The following PLPPR5 variants were observed in gnomAD, a reference collection of about 807,000 sequenced individuals.
PLPPR5 encodes the protein phospholipid phosphatase-related protein type 5.
PLPPR5 carries 16 observed loss-of-function variants against 33.9 expected under a neutral mutation model. The ratio of observed to expected loss-of-function variants is 0.47; its 90% CI spans 0.32 to 0.72. The LOEUF is 0.72. Among genes scored for constraint, PLPPR5 ranks in the 30% least tolerant of loss-of-function variants. The probability of loss-of-function intolerance (pLI) is 0.03; values close to 1 mark genes in which losing one functional copy is unlikely to be tolerated. For synonymous variants in PLPPR5, 163 were observed against 150.3 expected, an observed-to-expected ratio of 1.08 and a Z score of -0.62; for missense variants, 301 against 406.7, an observed-to-expected ratio of 0.74 and a Z score of 2.23.
At chr1:98,917,596 T>C (rs1198881520) in intron 4 of PLPPR5, among the ~76,000 whole-genome samples, 1 of 152,200 alleles carries the variant, frequency 6.6e-6, no homozygotes, top group Non-Finnish European at 1.5e-5. Flanking sequence ...GCTGTTTAGA[T>C]ACTCCTCACC....
chr1:98,959,711 A>G (rs1462826148), intron 1 of PLPPR5, among the ~76,000 whole-genome samples: 1 of 152,204 alleles, frequency 6.6e-6, no homozygotes. Flanking sequence ...CCAAGGAAAC[A>G]GTTCAACTGA....
intron 1 of PLPPR5, among the ~76,000 whole-genome samples, chr1:98,968,696 A>G (rs912158334): frequency 5.3e-5 from 8 of 152,070 alleles, no homozygotes; most frequent in Non-Finnish European, 8.8e-5. Context: ...CCATAAATAT[A>G]TAAATCTACT....
chr1:98,920,190 G>A (rs1340865292), intron 4 of PLPPR5, among the ~76,000 whole-genome samples: 1 of 152,088 alleles, frequency 6.6e-6, no homozygotes, highest in African/African-American at 2.4e-5. Context: ...AGCATTCTGA[G>A]GTTGGCCTTG....
rs576014567 is a variant in PLPPR5 at position 98,998,676 on chromosome 1, C to T, written c.237+5759G>A. ...ATATAACAAAAAATGAAATGCACAG[C>T]CTTTGGTGATTCTGCCATTGCCATC... On this transcript the variant is annotated intron_variant, in intron 1 of 5. Coordinates refer to ENST00000263177, the MANE Select transcript of PLPPR5 (RefSeq NM_001037317.2). Among the ~76,000 whole-genome samples, 5 of 152,234 alleles carry T rather than the reference C, an allele frequency of 3.3e-5. No individual in the cohort carries two copies. The South Asian group carries it at 1.0e-3, about 32-fold the overall frequency.
At chr1:99,001,775 C>T in intron 1 of PLPPR5, among the ~76,000 whole-genome samples, 1 of 146,796 alleles carries the variant, frequency 6.8e-6, no homozygotes, top group South Asian at 2.1e-4. Context: ...AAGAACGATT[C>T]ATGAGCGAAT....
Position 99,004,582 on chromosome 1 carries a change from G to C in PLPPR5, c.90C>G (p.Phe30Leu), listed in dbSNP as rs1421516068. Reference protein sequence around the residue: ...MAGTVMLAYYFEYTDTFTVNV... With the variant: ...MAGTVMLAYYLEYTDTFTVNV... ...TCACGGTGAACGTGTCCGTATACTC[G>C]AAGTAGTACGCCAGCATCACCGTCC... Residue 30 changes from phenylalanine (F) to leucine (L), a missense_variant, in exon 1 of 6, where the codon TTC becomes TTG. Transcript: ENST00000263177. The C allele has an allele frequency of 4.3e-6, 7 of 1,613,014 alleles. No individual in the cohort carries two copies. Among genetic ancestry groups the C allele is most frequent in the Non-Finnish European group, 5.9e-6 (7 of 1,179,826 alleles).
chr1:98,928,062 C>T (rs1649830012), intron 3 of PLPPR5, among the ~76,000 whole-genome samples: 1 of 152,082 alleles, frequency 6.6e-6, no homozygotes, highest in Non-Finnish European at 1.5e-5. Context: ...TGAAGCTAAA[C>T]ACTTCTTTTT....
rs141536085 is a variant in PLPPR5 at position 98,891,183 on chromosome 1, T to A, written c.*1889A>T. The A allele has an allele frequency of 5.1e-3, 770 of 152,300 alleles. 9 individuals carry two copies. The highest frequency in any genetic ancestry group is 0.017 in the African/African-American group (718 of 41,572). The allele number at this position is 152,300 out of a possible 1,614,324, so 9.4% of individuals were successfully genotyped here. ...TCATGTTCTAAATTTCCAACAGGAC[T>A]GAATTGCTCTAGAGGTCTGAAATTA... is the stretch of plus-strand genomic sequence containing the variant. On this transcript the variant is annotated 3_prime_UTR_variant, in exon 6 of 6. Coordinates refer to ENST00000263177, the MANE Select transcript of PLPPR5 (RefSeq NM_001037317.2).
chr1:98,963,723 C>T (rs1013652053), intron 1 of PLPPR5, among the ~76,000 whole-genome samples: 6 of 152,170 alleles, frequency 3.9e-5, no homozygotes, highest in African/African-American at 1.4e-4. Flanking sequence ...TACCACATTC[C>T]TAGCATCTCT....
chr1:98,915,070 T>C, intron 4 of PLPPR5, 150 bp from the exon 5 acceptor site: 2 of 661,528 alleles, frequency 3.0e-6, no homozygotes, highest in Admixed American at 3.3e-5. Flanking sequence ...AGATTTATTG[T>C]ATTCATTTAT....
Position 98,953,155 on chromosome 1 carries a change from C to G in PLPPR5, c.536G>C (p.Gly179Ala). The change falls in exon 3 of 6, where the codon GGC becomes GCC. Residue 179 changes from glycine (G) to alanine (A), a missense_variant. Physicochemically the swap from Gly to Ala is moderately conservative, Grantham distance 60. Transcript: ENST00000263177. ...QFISGEEACTGNPDLIMRARK... is the reference protein window; with the variant it reads ...QFISGEEACTANPDLIMRARK... ...GGCTCTCATGATGAGATCTGGGTTG[C>G]CAGTACAGGCCTCTTCCCCACTGAT... The G allele has an allele frequency of 6.2e-7, 1 of 1,614,028 alleles. No homozygotes were observed. Among genetic ancestry groups the G allele is most frequent in the Non-Finnish European group, 8.5e-7 (1 of 1,179,996 alleles).
At chr1:98,902,181 C>T (rs6674350) in intron 5 of PLPPR5, among the ~76,000 whole-genome samples, 22,734 of 151,890 alleles carry the variant, frequency 0.15, 2,147 homozygotes, top group Non-Finnish European at 0.21. Flanking sequence ...TAATTCCAAG[C>T]ACATATTAAG....
Position 98,911,792 on chromosome 1 carries a change from A to T in PLPPR5, c.933+2994T>A, listed in dbSNP as rs1233515997. On this transcript the variant is annotated intron_variant, in intron 5 of 5. Coordinates refer to ENST00000263177, the MANE Select transcript of PLPPR5 (RefSeq NM_001037317.2). Reference sequence around the variant, plus strand: ...AGATGGGGTCAGGGATGGGTTCTCCATCTGTTGCCCAGGCTGGAGTACAGT... The same window carrying T: ...AGATGGGGTCAGGGATGGGTTCTCCTTCTGTTGCCCAGGCTGGAGTACAGT... Among the ~76,000 whole-genome samples the T allele has an allele frequency of 2.0e-5, 3 of 151,516 alleles. No individual in the cohort carries two copies. In the East Asian group the frequency reaches 5.8e-4, roughly 29 times the overall value.
At chr1:98,953,373 G>GTA in intron 2 of PLPPR5, 53 bp from the exon 3 acceptor site, 4 of 1,528,776 alleles carry the variant, frequency 2.6e-6, no homozygotes, top group Non-Finnish European at 3.5e-6. Context: ...GTGTGTGTGT[G>GTA]TGTGTGTGTG....
chr1:98,955,810 A>T (rs1650983041), intron 2 of PLPPR5, among the ~76,000 whole-genome samples: 1 of 152,114 alleles, frequency 6.6e-6, no homozygotes, highest in African/African-American at 2.4e-5. Flanking sequence ...ACTAATAAAA[A>T]TTTATCTTAA....
chr1:99,003,141 A>G (rs993506570), intron 1 of PLPPR5, among the ~76,000 whole-genome samples: 1 of 146,454 alleles, frequency 6.8e-6, no homozygotes, highest in African/African-American at 2.5e-5. Context: ...TCAAACCATT[A>G]TGACAGAGGC....
intron 1 of PLPPR5, among the ~76,000 whole-genome samples, chr1:98,958,986 C>T (rs1201421131): frequency 1.3e-5 from 2 of 151,792 alleles, no homozygotes; most frequent in East Asian, 3.9e-4. Flanking sequence ...CCATGCTAAA[C>T]TCCCTAGAAT....
At chr1:98,987,570 TTCTG>T (rs1652302307) in intron 1 of PLPPR5, among the ~76,000 whole-genome samples, 1 of 151,898 alleles carries the variant, frequency 6.6e-6, no homozygotes, top group African/African-American at 2.4e-5. Flanking sequence ...TCTAATGCTT[TTCTG>T]AAAGCCTTTT....
chr1:98,933,677 C>T (rs191660195), intron 3 of PLPPR5, among the ~76,000 whole-genome samples: 9 of 152,188 alleles, frequency 5.9e-5, no homozygotes, highest in Middle Eastern at 3.4e-3. Flanking sequence ...TTACATCTAG[C>T]TCCGAAACCT....
Sources: gnomAD v4.1 joint callset for allele counts (sites outside exome capture counted in the v4.1 genomes callset) on GRCh38, gnomAD v4.1.1 for gene constraint, MANE v1.5 for transcripts, NCBI Gene and HGNC (gene_info 2026-07-23, HGNC 2026-07-21) for gene names.